AKAP19: variants seen among roughly 807,000 people sequenced by gnomAD.
AKAP19 encodes A-kinase anchoring protein 19.
At chr2:189,999,214 T>C in the AKAP19 span, among the ~76,000 whole-genome samples, 1 of 152,208 alleles carries the variant, frequency 6.6e-6, no homozygotes, top group Non-Finnish European at 1.5e-5. Context: ...AATGTATGTG[T>C]TTAAAGCTAG....
At chr2:189,959,635 G>T in the AKAP19 span, among the ~76,000 whole-genome samples, 14 of 152,060 alleles carry the variant, frequency 9.2e-5, no homozygotes, top group Admixed American at 4.6e-4. Flanking sequence ...AAACATGTTG[G>T]CCACCTGCAA....
At chr2:189,936,014 G>C in the AKAP19 span, among the ~76,000 whole-genome samples, 625 of 152,122 alleles carry the variant, frequency 4.1e-3, 3 homozygotes, top group African/African-American at 0.014. Flanking sequence ...CTTTTGAAAA[G>C]TGCTTTAACA....
chr2:189,956,701 C>T, the AKAP19 span, among the ~76,000 whole-genome samples: 4 of 152,130 alleles, frequency 2.6e-5, no homozygotes, highest in Non-Finnish European at 5.9e-5. Context: ...GCCTCAGCCT[C>T]CTGAGTAGCT....
the AKAP19 span, among the ~76,000 whole-genome samples, chr2:190,065,495 G>C: frequency 6.6e-6 from 1 of 152,102 alleles, no homozygotes; most frequent in African/African-American, 2.4e-5. Flanking sequence ...ATGCCTAAGG[G>C]AAAAAAGTTC....
the AKAP19 span, among the ~76,000 whole-genome samples, chr2:190,027,596 G>T: frequency 6.6e-6 from 1 of 152,162 alleles, no homozygotes; most frequent in African/African-American, 2.4e-5. Context: ...TACATAAAAG[G>T]TGAAAGGGTG....
the AKAP19 span, chr2:190,200,544 T>C: frequency 5.5e-3 from 997 of 182,416 alleles, 20 homozygotes; most frequent in African/African-American, 0.023. Flanking sequence ...AGTCCAGATA[T>C]GAAAAGGGCT....
At chr2:189,910,379 A>C in the AKAP19 span, among the ~76,000 whole-genome samples, 2 of 151,962 alleles carry the variant, frequency 1.3e-5, no homozygotes, top group Non-Finnish European at 2.9e-5. Flanking sequence ...TTTTGGCTTC[A>C]CAGTATCACA....
At chr2:190,038,083 A>C in the AKAP19 span, among the ~76,000 whole-genome samples, 1 of 152,166 alleles carries the variant, frequency 6.6e-6, no homozygotes, top group East Asian at 1.9e-4. Context: ...CTTAATTTTA[A>C]GGGCAGTATA....
At chr2:189,905,927 G>T in the AKAP19 span, among the ~76,000 whole-genome samples, 1 of 152,024 alleles carries the variant, frequency 6.6e-6, no homozygotes, top group Non-Finnish European at 1.5e-5. Flanking sequence ...GAATTGGATT[G>T]CAGACAAGAG....
chr2:189,960,904 C>T, the AKAP19 span, among the ~76,000 whole-genome samples: 60 of 152,296 alleles, frequency 3.9e-4, no homozygotes, highest in African/African-American at 1.3e-3. Flanking sequence ...TATTGGTTAA[C>T]TCTGACTCCA....
At chr2:190,110,848 G>A in the AKAP19 span, among the ~76,000 whole-genome samples, 8 of 152,246 alleles carry the variant, frequency 5.3e-5, no homozygotes, top group East Asian at 9.6e-4. Context: ...AATGTCCTTC[G>A]TCTCTATTAC....
the AKAP19 span, among the ~76,000 whole-genome samples, chr2:190,016,505 C>T: frequency 1.3e-5 from 2 of 152,190 alleles, no homozygotes; most frequent in African/African-American, 4.8e-5. Flanking sequence ...ACGGGGATTA[C>T]AATTCAAGAG....
the AKAP19 span, among the ~76,000 whole-genome samples, chr2:190,191,261 G>A: frequency 2.2e-4 from 34 of 152,024 alleles, no homozygotes; most frequent in Non-Finnish European, 3.5e-4. Context: ...TCATGCCTCA[G>A]CCTCCCAAGC....
the AKAP19 span, among the ~76,000 whole-genome samples, chr2:189,907,105 C>G: frequency 6.6e-6 from 1 of 152,140 alleles, no homozygotes; most frequent in African/African-American, 2.4e-5. Context: ...ACACAGCAGC[C>G]AGACCAATCC....
the AKAP19 span, chr2:190,056,516 G>A: frequency 0.058 from 8,841 of 152,552 alleles, 378 homozygotes; most frequent in Non-Finnish European, 0.09. Context: ...CTCCAAGTAT[G>A]CTACAGAATT....
the AKAP19 span, among the ~76,000 whole-genome samples, chr2:190,191,216 CA>C: frequency 1.3e-5 from 2 of 152,156 alleles, no homozygotes; most frequent in African/African-American, 4.8e-5. Flanking sequence ...CAGCTCACTG[CA>C]ACCTCTGTTC....
At chr2:190,171,666 CATATTACTCA>C in the AKAP19 span, among the ~76,000 whole-genome samples, 2 of 152,046 alleles carry the variant, frequency 1.3e-5, no homozygotes, top group Non-Finnish European at 2.9e-5. Flanking sequence ...GAAAAAATTT[CATATTACTCA>C]AAATACTTAA....
chr2:189,923,526 G>A, the AKAP19 span: 14 of 1,613,876 alleles, frequency 8.7e-6, no homozygotes, highest in Admixed American at 5.0e-5. Context: ...AGAAATGCCC[G>A]GGCTGCTGTA....
the AKAP19 span, among the ~76,000 whole-genome samples, chr2:190,185,343 T>G: frequency 6.6e-6 from 1 of 152,212 alleles, no homozygotes; most frequent in Non-Finnish European, 1.5e-5. Context: ...ATAGAACAGA[T>G]TTAAACACAC....
Sources: allele counts gnomAD v4.1 joint callset (sites outside exome capture counted in the v4.1 genomes callset), GRCh38; gene constraint gnomAD v4.1.1; transcripts MANE v1.5; gene names NCBI Gene and HGNC (gene_info 2026-07-23, HGNC 2026-07-21).